Variants in GRID2 observed in about 807,000 individuals in gnomAD.
The protein encoded by GRID2 is glutamate ionotropic receptor delta type subunit 2.
GRID2 carries 33 observed loss-of-function variants against 114.8 expected under a neutral mutation model. The ratio of observed to expected loss-of-function variants is 0.29; its 90% confidence interval spans 0.22 to 0.38. The LOEUF (loss-of-function observed/expected upper bound fraction) is 0.38. Ranked by LOEUF, GRID2 falls within the 10% of genes least tolerant of loss-of-function variation. The pLI, the probability that GRID2 is intolerant of heterozygous loss-of-function variation, is 1.00. For synonymous variants in GRID2, 505 were observed against 449.9 expected (o/e 1.12, Z -1.55); for missense variants, 1,184 against 1,257.7 (o/e 0.94, Z 0.89).
chr4:92,827,128 CAGATA>C (rs1302327920), intron 2 of GRID2, among the ~76,000 whole-genome samples: 1 of 151,928 alleles, frequency 6.6e-6, no homozygotes, highest in Non-Finnish European at 1.5e-5. Context: ...AGTAGAAAAT[CAGATA>C]AAAGAATCCA....
intron 5 of GRID2, among the ~76,000 whole-genome samples, chr4:93,214,403 A>G (rs1743942430): frequency 6.6e-6 from 1 of 151,970 alleles, no homozygotes; most frequent in Non-Finnish European, 1.5e-5. Flanking sequence ...TGCATCTGCC[A>G]CTCTCGAAAT....
chr4:93,231,057 A>T (rs1334348103), intron 7 of GRID2, among the ~76,000 whole-genome samples: 1 of 152,062 alleles, frequency 6.6e-6, no homozygotes, highest in Non-Finnish European at 1.5e-5. Context: ...ATTTCCAGAG[A>T]CACCCACCAC....
intron 2 of GRID2, among the ~76,000 whole-genome samples, chr4:92,662,530 C>G (rs1275006566): frequency 6.6e-6 from 1 of 150,800 alleles, no homozygotes. Flanking sequence ...GAATCATTGT[C>G]TCTACTATAT....
chr4:93,245,948 G>C (rs1748156571), intron 8 of GRID2, among the ~76,000 whole-genome samples: 1 of 152,206 alleles, frequency 6.6e-6, no homozygotes, highest in African/African-American at 2.4e-5. Context: ...CTGACAAGAA[G>C]CTGCTATGTG....
intron 2 of GRID2, among the ~76,000 whole-genome samples, chr4:92,913,369 CTAT>C (rs1398214716): frequency 1.3e-5 from 2 of 151,668 alleles, no homozygotes; most frequent in South Asian, 2.1e-4. Context: ...TGGGCACTAA[CTAT>C]TATTATTATT....
intron 14 of GRID2, among the ~76,000 whole-genome samples, chr4:93,760,117 C>T (rs1490054804): frequency 6.6e-6 from 1 of 152,094 alleles, no homozygotes; most frequent in Admixed American, 6.6e-5. Flanking sequence ...GGTACAGGGT[C>T]GAAGGGAGGA....
intron 1 of GRID2, among the ~76,000 whole-genome samples, chr4:93,779,661 A>G (rs979266314): frequency 3.3e-5 from 5 of 152,222 alleles, no homozygotes; most frequent in African/African-American, 1.2e-4. Flanking sequence ...TAGAAAAAAT[A>G]CTCTATGAAA....
At chr4:93,442,774 C>T (rs1333246778) in intron 10 of GRID2, among the ~76,000 whole-genome samples, 1 of 152,062 alleles carries the variant, frequency 6.6e-6, no homozygotes, top group Non-Finnish European at 1.5e-5. Context: ...CCAGACCTCT[C>T]ACCTGAACTA....
chr4:92,583,973 C>T (rs1414566106), intron 1 of GRID2, among the ~76,000 whole-genome samples: 1 of 150,412 alleles, frequency 6.6e-6, no homozygotes, highest in Non-Finnish European at 1.5e-5. Flanking sequence ...GTAATGATAT[C>T]CCACTGAAAT....
At chr4:92,640,928 T>G in intron 2 of GRID2, among the ~76,000 whole-genome samples, 1 of 152,010 alleles carries the variant, frequency 6.6e-6, no homozygotes, top group Middle Eastern at 3.4e-3. Flanking sequence ...AATTAGAATG[T>G]TATAAATGCT....
chr4:93,011,690 C>T (rs753587571), intron 2 of GRID2, among the ~76,000 whole-genome samples: 1 of 152,030 alleles, frequency 6.6e-6, no homozygotes, highest in Non-Finnish European at 1.5e-5. Flanking sequence ...GGCATCACAT[C>T]GAGATGTATC....
chr4:92,481,860 G>A (rs1722609606), intron 1 of GRID2, among the ~76,000 whole-genome samples: 1 of 150,718 alleles, frequency 6.6e-6, no homozygotes, highest in Non-Finnish European at 1.5e-5. Flanking sequence ...CAATTTATTT[G>A]TGTCAATCAT....
At chr4:92,438,850 T>A (rs554274225) in intron 1 of GRID2, among the ~76,000 whole-genome samples, 174 of 152,362 alleles carry the variant, frequency 1.1e-3, no homozygotes, top group Non-Finnish European at 2.0e-3. Context: ...ATTCATGTAA[T>A]ATCCCATGAA....
At chr4:92,409,749 C>T (rs776537632) in intron 1 of GRID2, among the ~76,000 whole-genome samples, 11 of 151,932 alleles carry the variant, frequency 7.2e-5, no homozygotes, top group Non-Finnish European at 1.5e-4. Context: ...ATATGAAATT[C>T]CCTTCTACAT....
intron 8 of GRID2, among the ~76,000 whole-genome samples, chr4:93,325,711 T>G (rs1467577649): frequency 1.5e-5 from 1 of 66,474 alleles, no homozygotes; most frequent in Non-Finnish European, 3.6e-5. Flanking sequence ...TCATTTTTCT[T>G]CTTTAAACTT....
At chr4:93,358,368 ATAAGT>A (rs937243257) in intron 8 of GRID2, among the ~76,000 whole-genome samples, 1 of 151,958 alleles carries the variant, frequency 6.6e-6, no homozygotes, top group African/African-American at 2.4e-5. Context: ...GTACATTTTA[ATAAGT>A]TAAGAAATTG....
At chr4:92,951,302 A>G (rs564492125) in intron 2 of GRID2, among the ~76,000 whole-genome samples, 29 of 152,036 alleles carry the variant, frequency 1.9e-4, no homozygotes, top group Admixed American at 4.6e-4. Context: ...GTTGTTCTAT[A>G]TAAAATTGTT....
intron 15 of GRID2, among the ~76,000 whole-genome samples, chr4:93,770,868 A>G (rs1424884102): frequency 1.3e-5 from 2 of 152,204 alleles, no homozygotes; most frequent in Non-Finnish European, 2.9e-5. Context: ...TGGGAACCAT[A>G]AAATTATATG....
Position 92,441,337 on chromosome 4 carries a change from A to G in GRID2, c.88+136593A>G, listed in dbSNP as rs368215412. ...ATGGGGGCTGTCTGTGAAGCTTTGC[A>G]GCAGTACAGCCTAGGTAATTTGTGG... is the stretch of plus-strand genomic sequence containing the variant. On this transcript the variant is annotated intron_variant, in intron 1 of 15. Transcript: ENST00000282020. Among the ~76,000 whole-genome samples the G allele has an allele frequency of 4.1e-3, 623 of 152,122 alleles. 5 individuals are homozygous for G. The highest frequency in any genetic ancestry group is 0.014 in the African/African-American group (564 of 41,460).
Sources: allele counts gnomAD v4.1 joint callset (sites outside exome capture counted in the v4.1 genomes callset), GRCh38; gene constraint gnomAD v4.1.1; transcripts MANE v1.5; gene names NCBI Gene and HGNC (gene_info 2026-07-23, HGNC 2026-07-21).